Variants in GP6 observed in about 807,000 individuals in gnomAD.
GP6 encodes the protein glycoprotein VI platelet, also known as platelet glycoprotein VI.
Under a neutral mutation model 37.3 loss-of-function variants are expected in GP6, and 45 were observed. The ratio of observed to expected loss-of-function variants is 1.21; its 90% CI spans 0.95 to 1.55. GP6 has a LOEUF of 1.55. GP6 is among the 40% of genes most tolerant of loss of function. The pLI is 0.00. For missense variants in GP6, 813 were observed against 760.2 expected, an observed-to-expected ratio of 1.07 and a Z score of -0.82; for synonymous variants, 340 against 316.4, an observed-to-expected ratio of 1.07 and a Z score of -0.79.
At chr19:55,032,068 T>G (rs1014556893) in intron 3 of GP6, 71 bp downstream of exon 3, 1 of 1,506,722 alleles carries the variant, frequency 6.6e-7, no homozygotes, top group African/African-American at 1.4e-5. Context: ...ATCCCTGCCC[T>G]CAATGTCCCC....
At chr19:55,028,453 A>G (rs1317408691) in intron 3 of GP6, among the ~76,000 whole-genome samples, 1 of 152,174 alleles carries the variant, frequency 6.6e-6, no homozygotes, top group East Asian at 1.9e-4. Flanking sequence ...CTAGGTAACA[A>G]TACTGCAGTG....
intron 5 of GP6, among the ~76,000 whole-genome samples, chr19:55,023,158 CAT>C (rs1376052337): frequency 6.6e-6 from 1 of 152,158 alleles, no homozygotes; most frequent in East Asian, 1.9e-4. Context: ...AAAACAGACA[CAT>C]AGACCAATGG....
rs1321118013 is a variant in GP6 at position 55,024,300 on chromosome 19, G to GCACACACATATGCACGCA, written c.664+900_664+917dup. Among the ~76,000 whole-genome samples, 574 of 121,974 alleles carry GCACACACATATGCACGCA rather than the reference G, an allele frequency of 4.7e-3. 13 individuals carry two copies. Among genetic ancestry groups the GCACACACATATGCACGCA allele is most frequent in the African/African-American group, 0.017 (549 of 32,518 alleles). The allele number at this position is 121,974 out of a possible 152,430, so 80.0% of individuals were successfully genotyped here. A position where few individuals can be genotyped will look rare whatever the true frequency, so the allele number is the denominator to read the frequency against. On this transcript the variant is annotated intron_variant, in intron 5 of 7. Coordinates refer to ENST00000310373, the MANE Select transcript of GP6 (RefSeq NM_001083899.2). ...TGCACACACACACATATGCACGCATGCACACACATATGCACGCACACACAC... is the reference window on the plus strand; with the variant it reads ...TGCACACACACACATATGCACGCATGCACACACATATGCACGCACACACACATATGCACGCACACACAC...
At position 55,015,135 on chromosome 19, in the gene GP6, T is replaced by C. The variant is rs1356891632; in HGVS notation, c.810A>G (p.Gln270=). The C allele has an allele frequency of 2.5e-6, 4 of 1,573,738 alleles. No homozygotes were observed. Among genetic ancestry groups the C allele is most frequent in the South Asian group, 1.2e-5 (1 of 85,898 alleles). ...AGCCCCGAGGCATATCCGGACCAGG[T>C]TGCCCTTGGTGTAGTACTGGCGGGC... Residue 270 remains glutamine (Q), a synonymous_variant, in exon 8 of 8, where the codon CAA becomes CAG. Coordinates refer to ENST00000310373, the MANE Select transcript of GP6 (RefSeq NM_001083899.2).
intron 1 of GP6, among the ~76,000 whole-genome samples, chr19:55,037,611 A>C (rs2074882206): frequency 7.5e-6 from 1 of 133,148 alleles, no homozygotes; most frequent in South Asian, 2.4e-4. Flanking sequence ...TGTGTAAGCC[A>C]TGGCACTCAG....
chr19:55,024,604 T>G (rs11669150), intron 5 of GP6, among the ~76,000 whole-genome samples: 1 of 152,080 alleles, frequency 6.6e-6, no homozygotes, highest in Admixed American at 6.6e-5. Flanking sequence ...TCAGCTGAGA[T>G]GTTTGTGAAA....
intron 3 of GP6, among the ~76,000 whole-genome samples, chr19:55,028,564 CTG>C (rs982217296): frequency 1.0e-3 from 152 of 152,340 alleles, no homozygotes; most frequent in African/African-American, 3.5e-3. Flanking sequence ...CTAGTAGTAA[CTG>C]TCTCACAGTG....
chr19:55,032,812 G>C, intron 1 of GP6: 1 of 605,004 alleles, frequency 1.7e-6, no homozygotes, highest in South Asian at 2.0e-5. Flanking sequence ...GGAGAGGAGG[G>C]CAAGGCATGG....
intron 3 of GP6, among the ~76,000 whole-genome samples, chr19:55,030,944 G>A (rs1029681077): frequency 1.3e-5 from 2 of 152,056 alleles, no homozygotes; most frequent in Non-Finnish European, 2.9e-5. Flanking sequence ...GGCCTCCCTG[G>A]CTCAAGCGAT....
At position 55,014,752 on chromosome 19, in the gene GP6, C is replaced by A; in HGVS notation, c.1193G>T (p.Cys398Phe). ...ACAGAGAGGCAGACAGACAGACAGACACTGGCCGAACGGCTCCCTGATGGA... is the reference window on the plus strand; with the variant it reads ...ACAGAGAGGCAGACAGACAGACAGAAACTGGCCGAACGGCTCCCTGATGGA... The change falls in exon 8 of 8, where the codon TGT becomes TTT. Residue 398 changes from cysteine (C) to phenylalanine (F), a missense_variant. Coordinates refer to ENST00000310373, the MANE Select transcript of GP6 (RefSeq NM_001083899.2). The A allele has an allele frequency of 6.2e-7, 1 of 1,613,794 alleles. No individual in the cohort carries two copies. The highest frequency in any genetic ancestry group is 1.1e-5 in the South Asian group (1 of 91,026).
At chr19:55,034,149 C>CAT (rs2074728307) in intron 1 of GP6, among the ~76,000 whole-genome samples, 18 of 72,010 alleles carry the variant, frequency 2.5e-4, no homozygotes, top group East Asian at 2.2e-3. Context: ...TATATGTATG[C>CAT]ATGTGTGTGT....
intron 3 of GP6, among the ~76,000 whole-genome samples, chr19:55,029,739 A>C (rs2074491515): frequency 6.6e-6 from 1 of 150,642 alleles, no homozygotes; most frequent in Non-Finnish European, 1.5e-5. Context: ...GGTATACTTC[A>C]CATACCAGAT....
At chr19:55,033,652 A>T (rs552343166) in intron 1 of GP6, among the ~76,000 whole-genome samples, 3 of 152,300 alleles carry the variant, frequency 2.0e-5, no homozygotes, top group South Asian at 4.1e-4. Context: ...CCCAATATTA[A>T]ATAATATCCA....
In GP6 at chr19:55,022,907, T is replaced by C. The variant is rs190695847; in HGVS notation, c.664+2311A>G. Among the ~76,000 whole-genome samples, 10 of 152,278 alleles carry C rather than the reference T, an allele frequency of 6.6e-5. No homozygotes were observed. The East Asian group carries it at 1.9e-3, about 29-fold the overall frequency. On this transcript the variant is annotated intron_variant, in intron 5 of 7. Transcript: ENST00000310373. ...ATTCCATGCTCATGGATAGGATGAA[T>C]CAATATCGTGAAAATGGCCATACTG... is the stretch of plus-strand genomic sequence containing the variant.
chr19:55,038,239 T>A lies in GP6; in HGVS notation c.-3A>T. The A allele has an allele frequency of 6.3e-7, 1 of 1,587,306 alleles. No homozygotes were observed. The highest frequency in any genetic ancestry group is 8.6e-7 in the Non-Finnish European group (1 of 1,165,544). ...AGGGCGGTCGGGGATGGAGACATGG[T>A]TCCTCAGCCCTGTCCTGAGCTCTGT... On this transcript the variant is annotated 5_prime_UTR_variant, in exon 1 of 8. Coordinates refer to ENST00000310373, the MANE Select transcript of GP6 (RefSeq NM_001083899.2).
chr19:55,018,578 A>G, intron 6 of GP6, 74 bp downstream of exon 6: 1 of 886,798 alleles, frequency 1.1e-6, no homozygotes, highest in Non-Finnish European at 1.9e-6. Context: ...AAAAGCCTAC[A>G]GGCTTAGATA....
intron 1 of GP6, among the ~76,000 whole-genome samples, chr19:55,036,058 G>A (rs1166066284): frequency 1.3e-5 from 2 of 148,694 alleles, no homozygotes; most frequent in East Asian, 4.0e-4. Flanking sequence ...TGGTGAGAGA[G>A]CGAGATTCCG....
In GP6 at chr19:55,027,768, A is replaced by G. The variant is rs762417766; in HGVS notation, c.420T>C (p.Phe140=). The G allele has an allele frequency of 1.1e-5, 17 of 1,613,912 alleles. No individual in the cohort carries two copies. The highest frequency in any genetic ancestry group is 4.2e-6 in the Non-Finnish European group (5 of 1,179,882). The stretch of plus-strand genomic sequence containing the variant: ...CTTCCTTGTACAGAGCAAATTGGTC[A>G]AAGCCATACCGAGTCTGACACTGTA... Residue 140 remains phenylalanine (F), a synonymous_variant, in exon 4 of 8, where the codon TTT becomes TTC. Transcript: ENST00000310373.
Position 55,018,568 on chromosome 19 carries a change from A to G in GP6, c.724+84T>C, listed in dbSNP as rs2304168. Reference sequence around the variant, plus strand: ...AGACGGACAGTTCGGTGAAGTGATTAAAAGCCTACAGGCTTAGATAATGGA... The same window carrying G: ...AGACGGACAGTTCGGTGAAGTGATTGAAAGCCTACAGGCTTAGATAATGGA... On this transcript the variant is annotated intron_variant, in intron 6 of 7. Transcript: ENST00000310373. The G allele has an allele frequency of 0.17, 143,066 of 857,884 alleles. 14,657 individuals are homozygous for G. Among genetic ancestry groups the G allele is most frequent in the Non-Finnish European group, 0.21 (104,432 of 488,658 alleles). The allele number at this position is 857,884 out of a possible 1,614,324, so 53.1% of individuals were successfully genotyped here. A position where few individuals can be genotyped will look rare whatever the true frequency, so the allele number is the denominator to read the frequency against.
Sources: gnomAD v4.1 joint callset for allele counts (sites outside exome capture counted in the v4.1 genomes callset) on GRCh38, gnomAD v4.1.1 for gene constraint, MANE v1.5 for transcripts, NCBI Gene and HGNC (gene_info 2026-07-23, HGNC 2026-07-21) for gene names.